Variants in PPFIA1 observed in about 807,000 individuals in gnomAD.
The protein encoded by PPFIA1 is PPFI scaffold protein A1.
Under a neutral mutation model 149.9 loss-of-function variants are expected in PPFIA1, and 25 were observed. That is an observed-to-expected ratio of 0.17 (90% confidence interval 0.12 to 0.23). PPFIA1 has a LOEUF of 0.23. Among genes scored for constraint, PPFIA1 ranks in the 10% least tolerant of loss-of-function variants. The probability of loss-of-function intolerance (pLI) is 1.00; values close to 1 mark genes in which losing one functional copy is unlikely to be tolerated. For synonymous variants in PPFIA1, 549 were observed against 552.8 expected, an observed-to-expected ratio of 0.99 and a Z score of 0.10; for missense variants, 1,362 against 1,506.5, an observed-to-expected ratio of 0.90 and a Z score of 1.59.
At position 70,326,249 on chromosome 11, in the gene PPFIA1, T is replaced by G; in HGVS notation, c.607-13T>G. On this transcript the variant is annotated splice_polypyrimidine_tract_variant and intron_variant, in intron 5 of 27. Coordinates refer to ENST00000253925, the MANE Select transcript of PPFIA1 (RefSeq NM_003626.5). ...AAGGTATTTTACACTCATATTCAAT[T>G]TTTTGCTTTCAGCTAATGATTCTTA... 3 of 1,488,518 alleles carry G rather than the reference T, an allele frequency of 2.0e-6. No homozygotes were observed. Among genetic ancestry groups the G allele is most frequent in the Non-Finnish European group, 2.8e-6 (3 of 1,081,910 alleles). The allele number at this position is 1,488,518 out of a possible 1,614,324, so 92.2% of individuals were successfully genotyped here.
At chr11:70,294,844 A>G (rs1306388200) in intron 2 of PPFIA1, among the ~76,000 whole-genome samples, 1 of 151,506 alleles carries the variant, frequency 6.6e-6, no homozygotes, top group Admixed American at 6.6e-5. Flanking sequence ...GACACAGCAC[A>G]TGTTTCAGAG....
chr11:70,350,064 G>A (rs767046258), intron 16 of PPFIA1: 2 of 406,590 alleles, frequency 4.9e-6, no homozygotes, highest in Non-Finnish European at 9.8e-6. Context: ...GTGTGTGTTC[G>A]ATCATGTTTG....
chr11:70,369,176 C>T (rs530179181), intron 21 of PPFIA1, among the ~76,000 whole-genome samples: 2 of 152,214 alleles, frequency 1.3e-5, no homozygotes, highest in East Asian at 1.9e-4. Context: ...CTTACATTTC[C>T]GGAATGCTTG....
chr11:70,300,614 C>A (rs988381479), intron 2 of PPFIA1, among the ~76,000 whole-genome samples: 2 of 151,808 alleles, frequency 1.3e-5, no homozygotes, highest in African/African-American at 2.4e-5. Context: ...GGCCCTCTGC[C>A]AGCTCCCCTC....
At chr11:70,336,891 G>A (rs999449290) in intron 11 of PPFIA1, among the ~76,000 whole-genome samples, 7 of 152,234 alleles carry the variant, frequency 4.6e-5, no homozygotes, top group African/African-American at 9.6e-5. Context: ...CTCATTGCAT[G>A]ACACGTTTAT....
intron 2 of PPFIA1, among the ~76,000 whole-genome samples, chr11:70,298,655 A>G (rs2052259255): frequency 6.6e-6 from 1 of 152,180 alleles, no homozygotes; most frequent in Non-Finnish European, 1.5e-5. Context: ...TGCTGGCCTG[A>G]AAACATCAGC....
At chr11:70,325,909 G>A (rs1412264647) in intron 5 of PPFIA1, among the ~76,000 whole-genome samples, 2 of 150,264 alleles carry the variant, frequency 1.3e-5, no homozygotes, top group Non-Finnish European at 3.0e-5. Flanking sequence ...CTCCAGCCTG[G>A]GTGACAGAGC....
chr11:70,358,981 C>T (rs557229807), intron 19 of PPFIA1, among the ~76,000 whole-genome samples: 4 of 152,300 alleles, frequency 2.6e-5, no homozygotes, highest in South Asian at 2.1e-4. Flanking sequence ...TTTTTGTCTT[C>T]GTAGTGCTTT....
chr11:70,291,736 C>T (rs1257154568), intron 2 of PPFIA1, among the ~76,000 whole-genome samples: 1 of 152,062 alleles, frequency 6.6e-6, no homozygotes, highest in East Asian at 1.9e-4. Flanking sequence ...GTGGCATGGT[C>T]ACAGCTCACC....
At chr11:70,282,212 C>A (rs1005089750) in intron 2 of PPFIA1, among the ~76,000 whole-genome samples, 19 of 152,228 alleles carry the variant, frequency 1.2e-4, no homozygotes, top group Non-Finnish European at 1.9e-4. Flanking sequence ...GGCTGTTCCA[C>A]CCTGCTGTAG....
intron 7 of PPFIA1, 97 bp from the exon 8 acceptor site, chr11:70,330,076 A>C: frequency 8.6e-7 from 1 of 1,158,040 alleles, no homozygotes; most frequent in Non-Finnish European, 1.2e-6. Flanking sequence ...TTTGATTGGA[A>C]ATTTGGGATT....
chr11:70,368,275 A>AT (rs1180121586), intron 21 of PPFIA1, among the ~76,000 whole-genome samples: 1 of 152,188 alleles, frequency 6.6e-6, no homozygotes, highest in Non-Finnish European at 1.5e-5. Flanking sequence ...GTAGTGAAGC[A>AT]TTTTTTTCTA....
At chr11:70,354,181 C>G in intron 16 of PPFIA1, 120 bp from the exon 17 acceptor site, 1 of 1,076,134 alleles carries the variant, frequency 9.3e-7, no homozygotes, top group Non-Finnish European at 1.3e-6. Context: ...TGAAACAAGA[C>G]TTTCTGTGCT....
At chr11:70,316,261 G>A (rs892791202) in intron 2 of PPFIA1, among the ~76,000 whole-genome samples, 25 of 151,906 alleles carry the variant, frequency 1.6e-4, no homozygotes, top group Non-Finnish European at 3.4e-4. Context: ...TAGTAGAGAC[G>A]AGGTTTTGCC....
intron 7 of PPFIA1, among the ~76,000 whole-genome samples, chr11:70,328,131 A>G (rs969579337): frequency 2.0e-5 from 3 of 152,134 alleles, no homozygotes; most frequent in African/African-American, 7.2e-5. Flanking sequence ...GGTCTGTTAC[A>G]TAAGTAAACT....
intron 5 of PPFIA1, 37 bp from the exon 6 acceptor site, chr11:70,326,225 A>G (rs1251593768): frequency 8.5e-7 from 1 of 1,175,444 alleles, no homozygotes; most frequent in East Asian, 2.5e-5. Context: ...CTCTTATGTA[A>G]GGTATTTTAC....
chr11:70,304,775 G>C (rs1010750200), intron 2 of PPFIA1, among the ~76,000 whole-genome samples: 1 of 152,170 alleles, frequency 6.6e-6, no homozygotes, highest in Non-Finnish European at 1.5e-5. Flanking sequence ...GGCACACAGC[G>C]GCAGAATTGC....
chr11:70,280,880 A>AT (rs140102270), intron 2 of PPFIA1, among the ~76,000 whole-genome samples: 3,627 of 151,996 alleles, frequency 0.024, 166 homozygotes, highest in African/African-American at 0.084. Flanking sequence ...TAAAGTCCAG[A>AT]TTTTTTTTAC....
At chr11:70,374,855 G>T in intron 23 of PPFIA1, 63 bp from the exon 24 acceptor site, 1 of 1,440,446 alleles carries the variant, frequency 6.9e-7, no homozygotes, top group Non-Finnish European at 9.7e-7. Context: ...CTGCATTACA[G>T]GGTACATGTG....
Sources: allele counts gnomAD v4.1 joint callset (sites outside exome capture counted in the v4.1 genomes callset), GRCh38; gene constraint gnomAD v4.1.1; transcripts MANE v1.5; gene names NCBI Gene and HGNC (gene_info 2026-07-23, HGNC 2026-07-21).